Variants in CLDN1 observed in about 807,000 individuals in gnomAD.
CLDN1 encodes claudin-1.
CLDN1 carries 12 observed loss-of-function variants against 22.6 expected under a neutral mutation model. That is an observed-to-expected ratio of 0.53 (90% CI 0.34 to 0.86). The LOEUF is 0.86. Ranked by LOEUF, CLDN1 falls within the 40% of genes least tolerant of loss-of-function variation. The pLI, the probability that CLDN1 is intolerant of heterozygous loss-of-function variation, is 0.02. For synonymous variants in CLDN1, 99 were observed against 103.8 expected (o/e 0.95, Z 0.28); for missense variants, 250 against 269.5 (o/e 0.93, Z 0.51).
intron 1 of CLDN1, among the ~76,000 whole-genome samples, chr3:190,318,195 G>A (rs143391729): frequency 9.2e-5 from 14 of 152,270 alleles, no homozygotes; most frequent in African/African-American, 3.1e-4. Context: ...AATGATCCTG[G>A]ATGAGGCAGG....
intron 1 of CLDN1, among the ~76,000 whole-genome samples, chr3:190,316,056 T>C (rs1716758943): frequency 6.6e-6 from 1 of 152,222 alleles, no homozygotes; most frequent in Non-Finnish European, 1.5e-5. Flanking sequence ...TACAAAGTGT[T>C]CTTTCCAAGG....
At position 190,322,202 on chromosome 3, in the gene CLDN1, G is replaced by A. The variant is rs1294938011; in HGVS notation, c.5C>T (p.Ala2Val). Residue 2 changes from alanine (A) to valine (V), a missense_variant, in exon 1 of 4, where the codon GCC becomes GTC. By Grantham distance (64) the Ala-to-Val change is moderately conservative. Transcript: ENST00000295522. M[A>V]NAGLQLLGFI... Reference sequence around the variant, plus strand: ...GCCCAACAGCTGCAGCCCCGCGTTGGCCATGACTCGCTCGGGCGCCCGCGC... The same window carrying A: ...GCCCAACAGCTGCAGCCCCGCGTTGACCATGACTCGCTCGGGCGCCCGCGC... 1.2e-6 allele frequency: 2 copies of A among 1,613,522 alleles called. No individual in the cohort carries two copies. Among genetic ancestry groups the A allele is most frequent in the Non-Finnish European group, 8.5e-7 (1 of 1,179,960 alleles).
At chr3:190,311,450 C>T (rs946983822) in intron 2 of CLDN1, among the ~76,000 whole-genome samples, 4 of 152,108 alleles carry the variant, frequency 2.6e-5, no homozygotes, top group African/African-American at 9.7e-5. Flanking sequence ...TTTAGCAAAG[C>T]CACAGATACT....
Position 190,308,457 on chromosome 3 carries a change from T to TG in CLDN1, c.474-19dup. ...ATTCGTACCTAAAAGGAAAAACCCA[T>TG]GTGCTTGTTAATCAGTGAATTATTG... is the stretch of plus-strand genomic sequence containing the variant. On this transcript the variant is annotated intron_variant, in intron 3 of 3. Coordinates refer to ENST00000295522, the MANE Select transcript of CLDN1 (RefSeq NM_021101.5). 1.2e-6 allele frequency: 2 copies of TG among 1,612,898 alleles called. No homozygotes were observed. The highest frequency in any genetic ancestry group is 1.7e-6 in the Non-Finnish European group (2 of 1,179,188).
chr3:190,314,534 G>A (rs9842108), intron 1 of CLDN1, among the ~76,000 whole-genome samples: 95,827 of 151,406 alleles, frequency 0.63, 30,992 homozygotes, highest in East Asian at 0.83. Context: ...AGCTGGGACT[G>A]CAGGCACGAA....
chr3:190,316,694 G>C (rs1057467572), intron 1 of CLDN1, among the ~76,000 whole-genome samples: 1 of 152,084 alleles, frequency 6.6e-6, no homozygotes, highest in Admixed American at 6.5e-5. Context: ...TCCATCTAAA[G>C]CACCAAGCAC....
At chr3:190,313,483 C>A (rs901911541) in intron 1 of CLDN1, among the ~76,000 whole-genome samples, 1 of 152,250 alleles carries the variant, frequency 6.6e-6, no homozygotes, top group East Asian at 1.9e-4. Context: ...TAGTCACCAG[C>A]TTTACACCCC....
chr3:190,314,068 T>C (rs902915897), intron 1 of CLDN1, among the ~76,000 whole-genome samples: 1 of 152,232 alleles, frequency 6.6e-6, no homozygotes, highest in Non-Finnish European at 1.5e-5. Context: ...TTTTTAGCTT[T>C]AACAAACTGT....
intron 1 of CLDN1, among the ~76,000 whole-genome samples, chr3:190,314,875 C>G (rs17501448): frequency 0.027 from 4,079 of 152,174 alleles, 121 homozygotes; most frequent in South Asian, 0.13. Flanking sequence ...GCACACTGAC[C>G]CACACACTTA....
rs1472422110 is a variant in CLDN1, at chr3:190,306,446, C to T, written c.*1831G>A. The T allele has an allele frequency of 6.6e-6, 1 of 152,142 alleles. No homozygotes were observed. Among genetic ancestry groups the T allele is most frequent in the Non-Finnish European group, 1.5e-5 (1 of 68,036 alleles). The allele number at this position is 152,142 out of a possible 1,614,324, so 9.4% of individuals were successfully genotyped here. A position where few individuals can be genotyped will look rare whatever the true frequency, so the allele number is the denominator to read the frequency against. On this transcript the variant is annotated 3_prime_UTR_variant, in exon 4 of 4. Coordinates refer to ENST00000295522, the MANE Select transcript of CLDN1 (RefSeq NM_021101.5). The stretch of plus-strand genomic sequence containing the variant: ...ACACCAAAACGTATGCAGTTAATTC[C>T]TCAATTCTTTCCCTTAGTATAGCAC...
In CLDN1 at chr3:190,306,295, A is replaced by C. The variant is rs1007555213; in HGVS notation, c.*1982T>G. 6.6e-6 allele frequency: 1 copy of C among 152,208 alleles called. No individual in the cohort carries two copies. The highest frequency in any genetic ancestry group is 2.4e-5 in the African/African-American group (1 of 41,466). The allele number at this position is 152,208 out of a possible 1,614,324, so 9.4% of individuals were successfully genotyped here. On this transcript the variant is annotated 3_prime_UTR_variant, in exon 4 of 4. Transcript: ENST00000295522. Reference sequence around the variant, plus strand: ...GGCCATACTCACTGCAGAAGATAAGACTTCCTCAGAATCTTATTTGTTTAG... The same window carrying C: ...GGCCATACTCACTGCAGAAGATAAGCCTTCCTCAGAATCTTATTTGTTTAG...
chr3:190,317,061 A>C (rs1401327287), intron 1 of CLDN1, among the ~76,000 whole-genome samples: 1 of 152,246 alleles, frequency 6.6e-6, no homozygotes, highest in African/African-American at 2.4e-5. Context: ...AGAGCAGAGA[A>C]GTTAAAAAGG....
At position 190,308,200 on chromosome 3, in the gene CLDN1, GGTCCTAAT is replaced by G. The variant is rs1716510476; in HGVS notation, c.*69_*76del. The G allele has an allele frequency of 6.5e-7, 1 of 1,536,364 alleles. No individual in the cohort carries two copies. Among genetic ancestry groups the G allele is most frequent in the African/African-American group, 1.4e-5 (1 of 73,156 alleles). ...CAGATTACAATACCCAAAATTCTAA[GGTCCTAAT>G]GTTAATGATAGTATCTCAATGTCCA... On this transcript the variant is annotated 3_prime_UTR_variant, in exon 4 of 4. Coordinates refer to ENST00000295522, the MANE Select transcript of CLDN1 (RefSeq NM_021101.5).
rs1282401899 is a variant in CLDN1 at position 190,306,883 on chromosome 3, G to A, written c.*1394C>T. 6.5e-6 allele frequency: 1 copy of A among 152,710 alleles called. No homozygotes were observed. The highest frequency in any genetic ancestry group is 1.5e-5 in the Non-Finnish European group (1 of 68,104). 9.5% of individuals were successfully genotyped at this position (152,710 alleles called of 1,614,324 possible). A position where few individuals can be genotyped will look rare whatever the true frequency, so the allele number is the denominator to read the frequency against. On this transcript the variant is annotated 3_prime_UTR_variant, in exon 4 of 4. Transcript: ENST00000295522. The stretch of plus-strand genomic sequence containing the variant: ...AGTGGAAATAGACTGGTAGAGAGAG[G>A]AAGGCACTGAACCACATGAAGGTAT...
At chr3:190,310,130 T>A (rs372251880) in intron 3 of CLDN1, 39 bp downstream of exon 3, 1 of 1,551,254 alleles carries the variant, frequency 6.4e-7, no homozygotes, top group African/African-American at 1.4e-5. Flanking sequence ...AAGGGCATTT[T>A]CTCAGAAAAC....
At chr3:190,314,765 G>A (rs1338708639) in intron 1 of CLDN1, among the ~76,000 whole-genome samples, 1 of 152,106 alleles carries the variant, frequency 6.6e-6, no homozygotes. Flanking sequence ...TATTTTTGAA[G>A]CCAAGGTTAA....
rs368906343 is a variant in CLDN1 at position 190,312,866 on chromosome 3, T to C, written c.388+6A>G. The C allele has an allele frequency of 6.8e-5, 109 of 1,613,952 alleles. No individual in the cohort carries two copies. Among genetic ancestry groups the C allele is most frequent in the Middle Eastern group, 6.6e-4 (4 of 6,080 alleles). On this transcript the variant is annotated splice_donor_region_variant and intron_variant, in intron 2 of 3. Coordinates refer to ENST00000295522, the MANE Select transcript of CLDN1 (RefSeq NM_021101.5). ...TAAGGTGAAAGGGGGGCACAGCCTC[T>C]ATTACCTGCAAGAAGAAATATCGCA...
At chr3:190,315,105 T>C (rs997356454) in intron 1 of CLDN1, among the ~76,000 whole-genome samples, 3 of 152,232 alleles carry the variant, frequency 2.0e-5, no homozygotes, top group African/African-American at 7.2e-5. Flanking sequence ...GCTATCATTA[T>C]TGGGAAATAA....
chr3:190,315,557 A>G (rs1312389410), intron 1 of CLDN1, among the ~76,000 whole-genome samples: 1 of 152,224 alleles, frequency 6.6e-6, no homozygotes, highest in Non-Finnish European at 1.5e-5. Flanking sequence ...CACACAATCA[A>G]TAAATATTTC....
Sources: gnomAD v4.1 joint callset for allele counts (sites outside exome capture counted in the v4.1 genomes callset) on GRCh38, gnomAD v4.1.1 for gene constraint, MANE v1.5 for transcripts, NCBI Gene and HGNC (gene_info 2026-07-23, HGNC 2026-07-21) for gene names.